ZNF606: variants seen among roughly 807,000 people sequenced by gnomAD.
ZNF606 encodes zinc finger protein 328.
A neutral mutation model predicts 74.9 loss-of-function variants in ZNF606; 37 were observed. That is an observed-to-expected ratio of 0.49 (90% CI 0.38 to 0.65). The LOEUF is 0.65. ZNF606 is among the 30% of genes least tolerant of loss of function. The pLI, the probability that ZNF606 is intolerant of heterozygous loss-of-function variation, is 0.00. For synonymous variants in ZNF606, 328 were observed against 312.4 expected (o/e 1.05, Z -0.53); for missense variants, 852 against 952.9 (o/e 0.89, Z 1.39).
chr19:57,978,463 A>G lies in ZNF606; in HGVS notation c.2217T>C (p.Asn739=), dbSNP rs1472608209. ...NHTGEKPYKC[N]HCEKAFCKNS... Reference sequence around the variant, plus strand: ...TCTTACAAAATGCTTTTTCACAATGATTACATTTGTAGGGCTTTTCTCCAG... The same window carrying G: ...TCTTACAAAATGCTTTTTCACAATGGTTACATTTGTAGGGCTTTTCTCCAG... The change falls in exon 7 of 7, where the codon AAT becomes AAC. Residue 739 remains asparagine (N), a synonymous_variant. Coordinates refer to ENST00000551380, the MANE Select transcript of ZNF606 (RefSeq NM_001348022.3). This position sits in a 1 kb window ranked among gnomAD's most constrained non-coding sequence, Gnocchi z 4.4. 6.2e-7 allele frequency: 1 copy of G among 1,613,940 alleles called. No homozygotes were observed. Among genetic ancestry groups the G allele is most frequent in the South Asian group, 1.1e-5 (1 of 91,074 alleles).
intron 4 of ZNF606, among the ~76,000 whole-genome samples, chr19:57,994,726 T>C (rs1480291924): frequency 1.3e-5 from 2 of 152,184 alleles, no homozygotes; most frequent in African/African-American, 4.8e-5. Context: ...ATTAAAGGAA[T>C]GCAATATACC....
chr19:57,989,903 T>G (rs2073227519), intron 4 of ZNF606, among the ~76,000 whole-genome samples: 1 of 146,740 alleles, frequency 6.8e-6, no homozygotes, highest in Non-Finnish European at 1.5e-5. Flanking sequence ...TACAAAAAAA[T>G]TAGCTCAGCG....
rs779338552 is a variant in ZNF606, at chr19:57,988,725, A to G, written c.178-4T>C. 2 of 1,614,060 alleles carry G rather than the reference A, an allele frequency of 1.2e-6. No individual in the cohort carries two copies. Among genetic ancestry groups the G allele is most frequent in the Non-Finnish European group, 1.7e-6 (2 of 1,180,018 alleles). On this transcript the variant is annotated splice_polypyrimidine_tract_variant and splice_region_variant and intron_variant, in intron 4 of 6. Coordinates refer to ENST00000551380, the MANE Select transcript of ZNF606 (RefSeq NM_001348022.3). ...CGTCCTTGAAGGTCACTGGTTCCTA[A>G]AAGAACACAAACGTTCCTTCTCAGC...
chr19:58,003,251 G>C (rs968512961), upstream of ZNF606: 12 of 456,618 alleles, frequency 2.6e-5, no homozygotes, highest in African/African-American at 2.4e-4. Flanking sequence ...TGTGAAGCTC[G>C]ACGGCTGAGA....
At chr19:57,999,770 G>A in intron 4 of ZNF606, 38 bp downstream of exon 4, 1 of 1,592,528 alleles carries the variant, frequency 6.3e-7, no homozygotes, top group Non-Finnish European at 8.6e-7. Context: ...GGGATAACCT[G>A]GACATCATCC....
chr19:58,001,242 G>C (rs1342096658), intron 2 of ZNF606, 47 bp downstream of exon 2: 3 of 1,607,790 alleles, frequency 1.9e-6, no homozygotes, highest in African/African-American at 1.3e-5. Context: ...CATGACTGCA[G>C]CAGCTAATGA....
rs996929102 is a variant in ZNF606 at position 58,000,066 on chromosome 19, C to T, written c.89-170G>A. 3.5e-5 allele frequency among the ~76,000 whole-genome samples: 5 copies of T among 141,056 alleles called. No individual in the cohort carries two copies. The East Asian group carries it at 8.3e-4, about 23-fold the overall frequency. The allele number at this position is 141,056 out of a possible 152,430, so 92.5% of individuals were successfully genotyped here. The stretch of plus-strand genomic sequence containing the variant: ...GGGCTCAGAGAAGGTTAGGAAAGTA[C>T]CTAAACACATGAATCTCTCATTGGC... On this transcript the variant is annotated intron_variant, in intron 3 of 6. Coordinates refer to ENST00000551380, the MANE Select transcript of ZNF606 (RefSeq NM_001348022.3).
chr19:57,991,780 A>AAAATAAATAAATAAATAAAT (rs80231379), intron 4 of ZNF606, among the ~76,000 whole-genome samples: 27 of 148,594 alleles, frequency 1.8e-4, no homozygotes, highest in Non-Finnish European at 3.0e-4. Flanking sequence ...ACTCTGTCTC[A>AAAATAAATAAATAAATAAAT]AAATAAATAA....
At chr19:58,003,335 CTG>C (rs1300466443), upstream of ZNF606, 20 of 456,304 alleles carry the variant, frequency 4.4e-5, no homozygotes, top group Non-Finnish European at 8.4e-5. Flanking sequence ...GCGACGCACC[CTG>C]TGAGTTTTCC....
At chr19:57,989,378 A>G (rs1600221241) in intron 4 of ZNF606, among the ~76,000 whole-genome samples, 1 of 152,252 alleles carries the variant, frequency 6.6e-6, no homozygotes, top group East Asian at 1.9e-4. Flanking sequence ...GAAAACGAGA[A>G]GGAAAAAGGA....
chr19:57,991,670 C>T (rs1600223156), intron 4 of ZNF606, among the ~76,000 whole-genome samples: 1 of 152,028 alleles, frequency 6.6e-6, no homozygotes, highest in Non-Finnish European at 1.5e-5. Context: ...ATCCCAGCTA[C>T]TCGTGAGGCT....
In ZNF606 at chr19:58,001,273, C is replaced by T. The variant is rs989096526; in HGVS notation, c.31+16G>A. On this transcript the variant is annotated intron_variant, in intron 2 of 6. Transcript: ENST00000551380. ...AATGATAGGGGAGGCCCAGGAGAAA[C>T]ACAACTTGGACTCACCCCAGGAGGC... 5.0e-6 allele frequency: 8 copies of T among 1,614,078 alleles called. No homozygotes were observed. The highest frequency in any genetic ancestry group is 3.3e-5 in the Admixed American group (2 of 60,016).
Position 57,999,842 on chromosome 19 carries a change from C to T in ZNF606, c.143G>A (p.Arg48Lys), listed in dbSNP as rs781521988. The stretch of plus-strand genomic sequence containing the variant: ...GGCTGCTGGGAGCCCAGTGGCCCTC[C>T]TCCCCTCCTCCAGGCTTCCCTCCAC... ...WHVEGSLEEG[R>K]RATGLPAAQV... is the part of the protein sequence containing the mutation. Residue 48 changes from arginine to lysine, a missense_variant, in exon 4 of 7, where the codon AGG (arginine) becomes AAG (lysine). Arg to Lys is a conservative substitution (Grantham distance 26). This residue lies in a region of ZNF606 where 545 missense variants were observed against 542.5 expected (regional missense o/e 1.00). Coordinates refer to ENST00000551380, the MANE Select transcript of ZNF606 (RefSeq NM_001348022.3). 2 of 1,614,060 alleles carry T rather than the reference C, an allele frequency of 1.2e-6. No homozygotes were observed. Among genetic ancestry groups the T allele is most frequent in the Non-Finnish European group, 1.7e-6 (2 of 1,179,992 alleles).
intron 6 of ZNF606, among the ~76,000 whole-genome samples, chr19:57,981,547 T>C (rs780908600): frequency 6.6e-6 from 1 of 152,210 alleles, no homozygotes; most frequent in Non-Finnish European, 1.5e-5. Context: ...ATGAGTGCTC[T>C]CACTTCTGTG....
chr19:58,001,153 A>G, intron 2 of ZNF606, 136 bp downstream of exon 2: 1 of 1,009,158 alleles, frequency 9.9e-7, no homozygotes, highest in Non-Finnish European at 1.5e-6. Context: ...CTTTACCACC[A>G]ATCAGTTCTA....
At position 57,999,843 on chromosome 19, in the gene ZNF606, T is replaced by A; in HGVS notation, c.142A>T (p.Arg48Trp). 6.2e-7 allele frequency: 1 copy of A among 1,613,820 alleles called. No individual in the cohort carries two copies. Among genetic ancestry groups the A allele is most frequent in the South Asian group, 1.1e-5 (1 of 91,066 alleles). The change falls in exon 4 of 7, where the codon AGG (arginine) becomes TGG (tryptophan). Residue 48 changes from arginine (R) to tryptophan (W), a missense_variant. By Grantham distance (101) the Arg-to-Trp change is moderately radical. Transcript: ENST00000551380. Reference sequence around the variant, plus strand: ...GCTGCTGGGAGCCCAGTGGCCCTCCTCCCCTCCTCCAGGCTTCCCTCCACG... The same window carrying A: ...GCTGCTGGGAGCCCAGTGGCCCTCCACCCCTCCTCCAGGCTTCCCTCCACG... ...WHVEGSLEEGRRATGLPAAQV... is the reference protein window; with the variant it reads ...WHVEGSLEEGWRATGLPAAQV...
At position 57,988,253 on chromosome 19, in the gene ZNF606, T is replaced by G; in HGVS notation, c.354A>C (p.Glu118Asp). 1.2e-6 allele frequency: 2 copies of G among 1,614,106 alleles called. No individual in the cohort carries two copies. Among genetic ancestry groups the G allele is most frequent in the South Asian group, 2.2e-5 (2 of 91,076 alleles). The stretch of plus-strand genomic sequence containing the variant: ...ATGCCTGCTCCACTGACCACGGCTC[T>G]TCTCCTTGCTCCAACAGGGAGATGA... ...PEVISLLEQG[E>D]EPWSVEQACP... The change falls in exon 6 of 7, where the codon GAA (glutamate) becomes GAC (aspartate). Residue 118 changes from glutamate (E) to aspartate (D), a missense_variant. Coordinates refer to ENST00000551380, the MANE Select transcript of ZNF606 (RefSeq NM_001348022.3).
At chr19:57,996,848 A>T (rs2073348304) in intron 4 of ZNF606, among the ~76,000 whole-genome samples, 1 of 152,222 alleles carries the variant, frequency 6.6e-6, no homozygotes. Context: ...TCTCATAAAC[A>T]TTCTTGCACA....
At position 57,979,946 on chromosome 19, in the gene ZNF606, T is replaced by G. The variant is rs770328384; in HGVS notation, c.734A>C (p.Gln245Pro). ...EHFYKPDTHA[Q>P]SWRCDSAIMY... is the part of the protein sequence containing the mutation. ...TATGGCTGAGTCACATCTCCAACTT[T>G]GAGCATGTGTATCAGGCTTATAGAA... is the stretch of plus-strand genomic sequence containing the variant. Residue 245 changes from glutamine to proline, a missense_variant, in exon 7 of 7, where the codon CAA (glutamine) becomes CCA (proline). Around this residue, in one of 3 missense-constraint regions of ZNF606, gnomAD observed 545 missense variants for 542.5 expected, o/e 1.00. Transcript: ENST00000551380. 1.9e-6 allele frequency: 3 copies of G among 1,614,024 alleles called. No homozygotes were observed. The Admixed American group carries it at 5.0e-5, about 27-fold the overall frequency.
Sources: gnomAD v4.1 joint callset for allele counts (sites outside exome capture counted in the v4.1 genomes callset) on GRCh38, gnomAD v4.1.1 for gene constraint, gnomAD v4.1.1 regional missense constraint, Gnocchi (gnomAD v3.1) non-coding constraint, MANE v1.5 for transcripts, NCBI Gene and HGNC (gene_info 2026-07-23, HGNC 2026-07-21) for gene names.